The following BNC2 variants were observed in gnomAD, a reference collection of about 807,000 sequenced individuals.
The protein encoded by BNC2 is zinc finger protein basonuclin-2.
In BNC2, 20 loss-of-function variants were observed where a neutral mutation model predicts 76.3. The ratio of observed to expected loss-of-function variants is 0.26; its 90% CI spans 0.18 to 0.38. The LOEUF (loss-of-function observed/expected upper bound fraction) is 0.38. Among genes scored for constraint, BNC2 ranks in the 10% least tolerant of loss-of-function variants. The pLI, the probability that BNC2 is intolerant of heterozygous loss-of-function variation, is 1.00. For synonymous variants in BNC2, 582 were observed against 514.8 expected (o/e 1.13, Z -1.77); for missense variants, 1,382 against 1,399.8 (o/e 0.99, Z 0.20).
intron 1 of BNC2, among the ~76,000 whole-genome samples, chr9:16,858,039 T>C (rs889319848): frequency 2.6e-5 from 4 of 152,210 alleles, no homozygotes; most frequent in Non-Finnish European, 4.4e-5. Flanking sequence ...GATTTGAACA[T>C]GGTTATTTAT....
At position 16,427,880 on chromosome 9, in the gene BNC2, C is replaced by G. The variant is rs533029543; in HGVS notation, c.2639+7675G>C. On this transcript the variant is annotated intron_variant, in intron 6 of 6. Coordinates refer to ENST00000380672, the MANE Select transcript of BNC2 (RefSeq NM_017637.6). ...CACCACTGTCAGCTGTTGCTGAGAA[C>G]AAGAAAGTCCTCGTGAACACCCGTC... Among the ~76,000 whole-genome samples, 114 of 152,146 alleles carry G rather than the reference C, an allele frequency of 7.5e-4. 2 individuals carry two copies. Among genetic ancestry groups the G allele is most frequent in the Admixed American group, 7.5e-3 (114 of 15,288 alleles).
chr9:16,826,923 A>T (rs1818464510), intron 1 of BNC2, among the ~76,000 whole-genome samples: 1 of 152,240 alleles, frequency 6.6e-6, no homozygotes, highest in Admixed American at 6.5e-5. Context: ...AATACAGATG[A>T]CAGATTTTGA....
intron 3 of BNC2, among the ~76,000 whole-genome samples, chr9:16,692,706 GAC>G (rs1823209983): frequency 6.6e-6 from 1 of 152,176 alleles, no homozygotes; most frequent in South Asian, 2.1e-4. Flanking sequence ...ACTAAAAAGA[GAC>G]AGAGTCACTT....
At chr9:16,425,566 T>C (rs965659277) in intron 6 of BNC2, among the ~76,000 whole-genome samples, 2 of 152,206 alleles carry the variant, frequency 1.3e-5, no homozygotes, top group South Asian at 2.1e-4. Flanking sequence ...AAGCTTCCGA[T>C]CTAACTTTGA....
At chr9:16,420,684 T>G in intron 6 of BNC2, among the ~76,000 whole-genome samples, 1 of 148,028 alleles carries the variant, frequency 6.8e-6, no homozygotes, top group Non-Finnish European at 1.5e-5. Context: ...TGTATATACA[T>G]ACACATATAC....
intron 3 of BNC2, among the ~76,000 whole-genome samples, chr9:16,658,115 G>A (rs1187479427): frequency 6.6e-6 from 1 of 152,004 alleles, no homozygotes; most frequent in African/African-American, 2.4e-5. Flanking sequence ...AAGGGAATGG[G>A]GACATCTCTA....
At chr9:16,776,004 G>C (rs1825956320) in intron 1 of BNC2, among the ~76,000 whole-genome samples, 1 of 152,124 alleles carries the variant, frequency 6.6e-6, no homozygotes, top group African/African-American at 2.4e-5. Flanking sequence ...CAGCAGGACT[G>C]AGACCAGAAG....
chr9:16,434,520 T>C (rs1022063922), intron 6 of BNC2, among the ~76,000 whole-genome samples: 2 of 152,204 alleles, frequency 1.3e-5, no homozygotes, highest in South Asian at 2.1e-4. Flanking sequence ...TCTGATATAA[T>C]GGGAATAACT....
intron 1 of BNC2, among the ~76,000 whole-genome samples, chr9:16,802,355 C>G (rs887044920): frequency 6.6e-6 from 1 of 152,194 alleles, no homozygotes; most frequent in Non-Finnish European, 1.5e-5. Context: ...GCATGTCAGT[C>G]CTATCAAATC....
chr9:16,516,634 A>G (rs1030593534), intron 5 of BNC2, among the ~76,000 whole-genome samples: 1 of 152,164 alleles, frequency 6.6e-6, no homozygotes, highest in Admixed American at 6.5e-5. Flanking sequence ...ACACAAAACA[A>G]ACTCAGTTAA....
intron 4 of BNC2, among the ~76,000 whole-genome samples, chr9:16,574,701 T>C (rs1388128081): frequency 2.6e-5 from 4 of 150,946 alleles, no homozygotes; most frequent in Admixed American, 6.6e-5. Flanking sequence ...GATATTATCA[T>C]TAATATTGAT....
chr9:16,701,859 T>G (rs1413483048), intron 3 of BNC2, among the ~76,000 whole-genome samples: 4 of 84,360 alleles, frequency 4.7e-5, no homozygotes, highest in African/African-American at 1.1e-4. Context: ...GGAGAATCAC[T>G]TGAACCCGGG....
rs1587002358 is a variant in BNC2 at position 16,415,537 on chromosome 9, A to C, written c.*3452T>G. 6.6e-6 allele frequency: 1 copy of C among 152,612 alleles called. No individual in the cohort carries two copies. The highest frequency in any genetic ancestry group is 1.5e-5 in the Non-Finnish European group (1 of 68,038). 9.5% of individuals were successfully genotyped at this position (152,612 alleles called of 1,614,324 possible). A position where few individuals can be genotyped will look rare whatever the true frequency, so the allele number is the denominator to read the frequency against. ...GGCTTGAGAGAAACTGTTTAACAAC[A>C]AAAAACTCCTATGAAAAAGCAAATG... On this transcript the variant is annotated 3_prime_UTR_variant, in exon 7 of 7. Transcript: ENST00000380672.
At chr9:16,819,382 G>T (rs1246354254) in intron 1 of BNC2, among the ~76,000 whole-genome samples, 1 of 152,138 alleles carries the variant, frequency 6.6e-6, no homozygotes, top group African/African-American at 2.4e-5. Context: ...TGCAGTCCAG[G>T]CTGGGCACAA....
At chr9:16,740,638 G>A (rs370792784) in intron 1 of BNC2, among the ~76,000 whole-genome samples, 20 of 152,256 alleles carry the variant, frequency 1.3e-4, no homozygotes, top group African/African-American at 4.6e-4. Context: ...GAGAAACGTG[G>A]TCTGAAAAGT....
At chr9:16,531,452 A>AT (rs1043778720) in intron 5 of BNC2, among the ~76,000 whole-genome samples, 23 of 150,592 alleles carry the variant, frequency 1.5e-4, no homozygotes, top group East Asian at 1.2e-3. Flanking sequence ...CTTTCATTTA[A>AT]TTTTTTTTTT....
At position 16,418,019 on chromosome 9, in the gene BNC2, T is replaced by G. The variant is rs554561943; in HGVS notation, c.*970A>C. 6.5e-6 allele frequency: 1 copy of G among 152,812 alleles called. No homozygotes were observed. Among genetic ancestry groups the G allele is most frequent in the South Asian group, 2.1e-4 (1 of 4,832 alleles). The allele number at this position is 152,812 out of a possible 1,614,324, so 9.5% of individuals were successfully genotyped here. ...GTTGGCAGTTTTGTGTTAACACTAA[T>G]ACTTTGTTTGGCATTTGTGCCCTAT... On this transcript the variant is annotated 3_prime_UTR_variant, in exon 7 of 7. Coordinates refer to ENST00000380672, the MANE Select transcript of BNC2 (RefSeq NM_017637.6).
intron 3 of BNC2, among the ~76,000 whole-genome samples, chr9:16,636,561 CCAAAGTGCTA>C (rs1293895883): frequency 1.3e-5 from 2 of 152,120 alleles, no homozygotes; most frequent in Non-Finnish European, 2.9e-5. Flanking sequence ...CCTCGGCCTC[CCAAAGTGCTA>C]GGATTACAGG....
intron 1 of BNC2, among the ~76,000 whole-genome samples, chr9:16,740,410 C>T (rs1587369071): frequency 6.6e-6 from 1 of 152,084 alleles, no homozygotes; most frequent in African/African-American, 2.4e-5. Context: ...ATTATTAGTT[C>T]CTAAACTCGG....
Sources: gnomAD v4.1 joint callset for allele counts (sites outside exome capture counted in the v4.1 genomes callset) on GRCh38, gnomAD v4.1.1 for gene constraint, MANE v1.5 for transcripts, NCBI Gene and HGNC (gene_info 2026-07-23, HGNC 2026-07-21) for gene names.